Variants in TNS3 observed in about 807,000 individuals in gnomAD.
The protein encoded by TNS3 is tensin 3.
A neutral mutation model predicts 140.9 loss-of-function variants in TNS3; 45 were observed. The observed-to-expected ratio is 0.32, with a 90% CI of 0.25 to 0.41. The LOEUF (loss-of-function observed/expected upper bound fraction) is 0.41, where lower values mean the gene tolerates loss of function less well. Among genes scored for constraint, TNS3 ranks in the 10% least tolerant of loss-of-function variants. The pLI is 1.00. For synonymous variants in TNS3, 815 were observed against 788.4 expected (o/e 1.03, Z -0.56); for missense variants, 1,716 against 1,906.7 (o/e 0.90, Z 1.86).
At chr7:47,564,731 G>A (rs1234900193) in intron 1 of TNS3, among the ~76,000 whole-genome samples, 2 of 124,734 alleles carry the variant, frequency 1.6e-5, no homozygotes, top group East Asian at 6.1e-4. Context: ...ACATGTATAC[G>A]CATATATATA....
At chr7:47,525,132 G>A (rs1341256005) in intron 2 of TNS3, among the ~76,000 whole-genome samples, 4 of 152,216 alleles carry the variant, frequency 2.6e-5, no homozygotes, top group Non-Finnish European at 4.4e-5. Flanking sequence ...CACGAGGACA[G>A]AGCTGGCAGC....
intron 17 of TNS3, among the ~76,000 whole-genome samples, chr7:47,359,374 G>C (rs1418198381): frequency 6.6e-6 from 1 of 152,212 alleles, no homozygotes; most frequent in Non-Finnish European, 1.5e-5. Context: ...ATGAGTGAGT[G>C]CCAGGGGTTT....
At position 47,288,094 on chromosome 7, in the gene TNS3, G is replaced by C. The variant is rs149444864; in HGVS notation, c.3928+3861C>G. Among the ~76,000 whole-genome samples the C allele has an allele frequency of 1.7e-3, 265 of 152,350 alleles. 2 individuals carry two copies. Among genetic ancestry groups the C allele is most frequent in the African/African-American group, 6.3e-3 (260 of 41,580 alleles). Reference sequence around the variant, plus strand: ...TACTGGGTGAATGCAGGATAACTAAGAAGCTTAAGGAGAAAAGTGAAATTG... The same window carrying C: ...TACTGGGTGAATGCAGGATAACTAACAAGCTTAAGGAGAAAAGTGAAATTG... On this transcript the variant is annotated intron_variant, in intron 27 of 30. Coordinates refer to ENST00000311160, the MANE Select transcript of TNS3 (RefSeq NM_022748.12).
At chr7:47,477,062 C>T (rs769693167) in intron 4 of TNS3, among the ~76,000 whole-genome samples, 2 of 152,164 alleles carry the variant, frequency 1.3e-5, no homozygotes, top group Non-Finnish European at 2.9e-5. Flanking sequence ...CGGGGAGCCA[C>T]AAAGGCACCC....
chr7:47,396,760 C>T (rs745322120), intron 16 of TNS3, 40 bp downstream of exon 16: 42 of 1,501,890 alleles, frequency 2.8e-5, no homozygotes, highest in Non-Finnish European at 3.5e-5. Context: ...TTCCCTGTGC[C>T]CTTTGCCTCC....
chr7:47,307,925 T>C (rs536259278), intron 20 of TNS3, among the ~76,000 whole-genome samples: 2 of 152,254 alleles, frequency 1.3e-5, no homozygotes, highest in Non-Finnish European at 2.9e-5. Context: ...TAAGAATCTT[T>C]TGAAGAACAA....
intron 17 of TNS3, among the ~76,000 whole-genome samples, chr7:47,357,679 C>T (rs1367739467): frequency 1.3e-5 from 2 of 150,936 alleles, no homozygotes; most frequent in Admixed American, 6.6e-5. Flanking sequence ...GGCCCACCCT[C>T]CCTCAGTCGT....
At chr7:47,337,958 T>C (rs551003317) in intron 20 of TNS3, among the ~76,000 whole-genome samples, 1 of 152,386 alleles carries the variant, frequency 6.6e-6, no homozygotes, top group Non-Finnish European at 1.5e-5. Context: ...TATGGAATCA[T>C]ACACTATACA....
chr7:47,283,559 T>C (rs1029897189), intron 28 of TNS3, 138 bp downstream of exon 28: 23 of 741,428 alleles, frequency 3.1e-5, no homozygotes, highest in Non-Finnish European at 3.6e-5. Context: ...GAAAAATACC[T>C]AGACAGACCC....
chr7:47,581,953 C>T (rs1267193077), intron 1 of TNS3, 98 bp downstream of exon 1: 2 of 152,146 alleles, frequency 1.3e-5, no homozygotes, highest in African/African-American at 4.8e-5. Context: ...GCTCCCCAAG[C>T]CTCGTTCCTG....
chr7:47,299,314 A>C (rs1426948093), intron 23 of TNS3, among the ~76,000 whole-genome samples: 1 of 151,478 alleles, frequency 6.6e-6, no homozygotes, highest in Non-Finnish European at 1.5e-5. Flanking sequence ...ATTTTTAAAA[A>C]TTTTTGGTAG....
chr7:47,408,168 C>A (rs1204633200), intron 13 of TNS3, among the ~76,000 whole-genome samples: 1 of 152,106 alleles, frequency 6.6e-6, no homozygotes, highest in Non-Finnish European at 1.5e-5. Context: ...GGAACACTCC[C>A]AAGGGCTGCA....
chr7:47,464,484 C>T (rs962706185), intron 4 of TNS3, among the ~76,000 whole-genome samples: 1 of 152,062 alleles, frequency 6.6e-6, no homozygotes, highest in Non-Finnish European at 1.5e-5. Context: ...CTCAAGGTGG[C>T]CCCGGGTGGC....
At chr7:47,334,604 TC>T (rs1340234880) in intron 20 of TNS3, among the ~76,000 whole-genome samples, 1 of 136,920 alleles carries the variant, frequency 7.3e-6, no homozygotes, top group African/African-American at 2.7e-5. Flanking sequence ...GAACCACGAC[TC>T]TTTTTTTTTT....
chr7:47,355,180 C>G (rs567304672), intron 17 of TNS3, among the ~76,000 whole-genome samples: 1 of 152,224 alleles, frequency 6.6e-6, no homozygotes, highest in South Asian at 2.1e-4. Flanking sequence ...CCTGAGACTC[C>G]GCCACGCCCA....
Position 47,345,016 on chromosome 7 carries a change from T to C in TNS3, c.2474A>G (p.Gln825Arg), listed in dbSNP as rs61731311. ...TCTGCCATCGATAATATCGAGGTCCTGGGGATAGCCAGGGGTCATCGTCTG... is the reference window on the plus strand; with the variant it reads ...TCTGCCATCGATAATATCGAGGTCCCGGGGATAGCCAGGGGTCATCGTCTG... ...VKETMTPGYP[Q>R]DLDIIDGRIL... is the part of the protein sequence containing the mutation. Residue 825 changes from glutamine to arginine, a missense_variant, in exon 19 of 31, where the codon CAG (glutamine) becomes CGG (arginine). Transcript: ENST00000311160. The C allele has an allele frequency of 2.5e-5, 40 of 1,613,996 alleles. No homozygotes were observed. The East Asian group carries it at 8.5e-4, about 34-fold the overall frequency.
chr7:47,490,306 TGTGA>T (rs753669152), intron 3 of TNS3, among the ~76,000 whole-genome samples: 12 of 152,258 alleles, frequency 7.9e-5, no homozygotes, highest in Non-Finnish European at 1.5e-4. Context: ...CACTGACATT[TGTGA>T]GTAATTTACA....
intron 13 of TNS3, among the ~76,000 whole-genome samples, chr7:47,401,661 G>A (rs1258282825): frequency 1.3e-5 from 2 of 152,198 alleles, no homozygotes; most frequent in East Asian, 1.9e-4. Flanking sequence ...GGGAACGGTG[G>A]GCAGAGCAGG....
intron 20 of TNS3, among the ~76,000 whole-genome samples, chr7:47,309,730 A>C (rs1480965523): frequency 6.6e-6 from 1 of 152,256 alleles, no homozygotes; most frequent in Non-Finnish European, 1.5e-5. Context: ...CATGCTTATC[A>C]ACAATCTTGG....
Sources: gnomAD v4.1 joint callset for allele counts (sites outside exome capture counted in the v4.1 genomes callset) on GRCh38, gnomAD v4.1.1 for gene constraint, MANE v1.5 for transcripts, NCBI Gene and HGNC (gene_info 2026-07-23, HGNC 2026-07-21) for gene names.